The following PIAS2 variants were observed in gnomAD, a reference collection of about 807,000 sequenced individuals.
The protein encoded by PIAS2 is protein inhibitor of activated STAT 2, also known as E3 SUMO-protein ligase PIAS2.
PIAS2 carries 19 observed loss-of-function variants against 69.7 expected under a neutral mutation model. The ratio of observed to expected loss-of-function variants is 0.27; its 90% CI spans 0.19 to 0.40. The LOEUF is 0.40. Among genes scored for constraint, PIAS2 ranks in the 10% least tolerant of loss-of-function variants. The pLI is 1.00. For missense variants in PIAS2, 624 were observed against 757.0 expected, an observed-to-expected ratio of 0.82 and a Z score of 2.06; for synonymous variants, 261 against 263.2, an observed-to-expected ratio of 0.99 and a Z score of 0.08.
At chr18:46,898,272 CA>C (rs2055217849) in intron 1 of PIAS2, among the ~76,000 whole-genome samples, 1 of 152,046 alleles carries the variant, frequency 6.6e-6, no homozygotes, top group Admixed American at 6.6e-5. Context: ...CTCAGCCTCC[CA>C]AATACTTGGG....
intron 3 of PIAS2, among the ~76,000 whole-genome samples, chr18:46,858,179 G>A (rs1428076224): frequency 2.0e-5 from 3 of 150,706 alleles, no homozygotes; most frequent in Admixed American, 6.6e-5. Flanking sequence ...GGAAAGCCTA[G>A]TCAGAGTACA....
At chr18:46,866,848 C>T (rs969711447) in intron 2 of PIAS2, among the ~76,000 whole-genome samples, 2 of 152,016 alleles carry the variant, frequency 1.3e-5, no homozygotes, top group Admixed American at 6.6e-5. Context: ...CCACTCTTAG[C>T]GTGCCACAAG....
intron 2 of PIAS2, among the ~76,000 whole-genome samples, chr18:46,870,723 T>C (rs1326304855): frequency 2.6e-5 from 4 of 151,134 alleles, no homozygotes; most frequent in Non-Finnish European, 5.9e-5. Context: ...AGCTGTATAC[T>C]TGGGCAGAGT....
At chr18:46,858,794 A>C (rs1232608774) in intron 3 of PIAS2, among the ~76,000 whole-genome samples, 1 of 152,222 alleles carries the variant, frequency 6.6e-6, no homozygotes, top group Non-Finnish European at 1.5e-5. Flanking sequence ...GACTTGATGA[A>C]TGACTAGATG....
At chr18:46,863,293 T>C (rs1010888896) in intron 3 of PIAS2, among the ~76,000 whole-genome samples, 3 of 152,162 alleles carry the variant, frequency 2.0e-5, no homozygotes, top group African/African-American at 7.2e-5. Context: ...GTCTTTGGGC[T>C]ACTATAAATT....
chr18:46,833,595 A>T (rs1220568521), intron 9 of PIAS2, among the ~76,000 whole-genome samples: 1 of 152,252 alleles, frequency 6.6e-6, no homozygotes, highest in Non-Finnish European at 1.5e-5. Context: ...AATGTAAATC[A>T]AAACCCAAAA....
At chr18:46,844,689 T>C (rs74871789) in intron 7 of PIAS2, 45 bp downstream of exon 7, 1 of 162,734 alleles carries the variant, frequency 6.1e-6, no homozygotes, top group Non-Finnish European at 1.2e-5. Flanking sequence ...ATGCTCAATC[T>C]TTTTTTTTTT....
rs1339545146 is a variant in PIAS2, at chr18:46,821,208, C to T, written c.1509-136G>A. 2.0e-5 allele frequency: 15 copies of T among 752,454 alleles called. No homozygotes were observed. In the East Asian group the frequency reaches 3.5e-4, roughly 17 times the overall value. 46.6% of individuals were successfully genotyped at this position (752,454 alleles called of 1,614,324 possible). On this transcript the variant is annotated intron_variant, in intron 11 of 13. Transcript: ENST00000585916. ...TATATGGCAGCTACTCACTACACAG[C>T]ACTCCACTCTACTCTCCTCTCCCAT... is the stretch of plus-strand genomic sequence containing the variant.
chr18:46,858,222 T>TAAAA (rs11418545), intron 3 of PIAS2, among the ~76,000 whole-genome samples: 7 of 141,198 alleles, frequency 5.0e-5, no homozygotes, highest in Non-Finnish European at 1.1e-4. Flanking sequence ...GAGATAAGAT[T>TAAAA]AAAAAAAAAA....
At chr18:46,880,741 T>C (rs1306166963) in intron 2 of PIAS2, among the ~76,000 whole-genome samples, 1 of 152,148 alleles carries the variant, frequency 6.6e-6, no homozygotes, top group Non-Finnish European at 1.5e-5. Flanking sequence ...AAGAAATACA[T>C]AAAGTCAATA....
chr18:46,851,847 A>C (rs1279131958), intron 5 of PIAS2, among the ~76,000 whole-genome samples: 1 of 152,206 alleles, frequency 6.6e-6, no homozygotes, highest in Non-Finnish European at 1.5e-5. Context: ...TATTACAGTA[A>C]GATCATACAC....
At chr18:46,887,932 G>A (rs2053468116) in intron 2 of PIAS2, among the ~76,000 whole-genome samples, 1 of 152,148 alleles carries the variant, frequency 6.6e-6, no homozygotes, top group South Asian at 2.1e-4. Context: ...AATTATTCCT[G>A]TTCACAGATG....
chr18:46,815,570 C>T (rs1568338134), intron 12 of PIAS2: 2 of 1,205,994 alleles, frequency 1.7e-6, no homozygotes, highest in Non-Finnish European at 2.1e-6. Context: ...CTCCCAGAGA[C>T]TCAAATGCAG....
intron 2 of PIAS2, among the ~76,000 whole-genome samples, chr18:46,879,562 T>C (rs1197479583): frequency 6.6e-6 from 1 of 152,182 alleles, no homozygotes; most frequent in Admixed American, 6.5e-5. Flanking sequence ...TCTGGGTGTA[T>C]ACTCATAAGA....
intron 9 of PIAS2, among the ~76,000 whole-genome samples, chr18:46,833,401 AACAT>A (rs1568419798): frequency 6.6e-6 from 1 of 152,188 alleles, no homozygotes; most frequent in Non-Finnish European, 1.5e-5. Flanking sequence ...AGAGATTGAA[AACAT>A]ACATGAGAAA....
At position 46,809,423 on chromosome 18, in the gene PIAS2, G is replaced by C. The variant is rs958801679; in HGVS notation, c.*3010C>G. The stretch of plus-strand genomic sequence containing the variant: ...ACACTGTGGGGGGTTACCAGAACAA[G>C]AAAAGGCCTTCATAGTTCTAAGTGA... On this transcript the variant is annotated 3_prime_UTR_variant, in exon 14 of 14. Transcript: ENST00000585916. The C allele has an allele frequency of 6.6e-6, 1 of 152,190 alleles. No homozygotes were observed. The highest frequency in any genetic ancestry group is 2.4e-5 in the African/African-American group (1 of 41,442). The allele number at this position is 152,190 out of a possible 1,614,324, so 9.4% of individuals were successfully genotyped here. A position where few individuals can be genotyped will look rare whatever the true frequency, so the allele number is the denominator to read the frequency against.
At chr18:46,917,582 C>T (rs1387444084), upstream of PIAS2, 5 of 1,061,298 alleles carry the variant, frequency 4.7e-6, no homozygotes, top group Non-Finnish European at 5.7e-6. Flanking sequence ...CCCGCGCGAC[C>T]GCCTTCCGCC....
intron 1 of PIAS2, among the ~76,000 whole-genome samples, chr18:46,909,785 A>G (rs1182870867): frequency 2.0e-5 from 3 of 152,344 alleles, no homozygotes; most frequent in Admixed American, 2.0e-4. Flanking sequence ...AAAGATTACA[A>G]TATCAGTGCA....
intron 5 of PIAS2, among the ~76,000 whole-genome samples, chr18:46,848,307 G>GC (rs1216284165): frequency 1.3e-5 from 2 of 152,178 alleles, no homozygotes; most frequent in African/African-American, 4.8e-5. Context: ...TCAGACAACA[G>GC]CCAGGATTCA....
Sources: gnomAD v4.1 joint callset for allele counts (sites outside exome capture counted in the v4.1 genomes callset) on GRCh38, gnomAD v4.1.1 for gene constraint, MANE v1.5 for transcripts, NCBI Gene and HGNC (gene_info 2026-07-23, HGNC 2026-07-21) for gene names.